Variants in PLEKHH1 observed in about 807,000 individuals in gnomAD.
PLEKHH1 encodes pleckstrin homology domain-containing family H member 1.
A neutral mutation model predicts 160.0 loss-of-function variants in PLEKHH1; 104 were observed. The ratio of observed to expected loss-of-function variants is 0.65; its 90% CI spans 0.55 to 0.76. The LOEUF is 0.76. PLEKHH1 is among the 30% of genes least tolerant of loss of function. PLEKHH1 has a pLI of 0.00. For missense variants in PLEKHH1, 1,427 were observed against 1,724.1 expected, an observed-to-expected ratio of 0.83 and a Z score of 3.05; for synonymous variants, 619 against 678.4, an observed-to-expected ratio of 0.91 and a Z score of 1.36.
At chr14:67,568,575 T>G (rs529112512) in intron 7 of PLEKHH1, among the ~76,000 whole-genome samples, 1 of 152,182 alleles carries the variant, frequency 6.6e-6, no homozygotes, top group East Asian at 1.9e-4. Context: ...CTGCACATCT[T>G]GCATACGTAC....
Position 67,574,888 on chromosome 14 carries a change from C to G in PLEKHH1, c.2088+485C>G, listed in dbSNP as rs978418558. 6.6e-6 allele frequency among the ~76,000 whole-genome samples: 1 copy of G among 152,182 alleles called. No homozygotes were observed. The highest frequency in any genetic ancestry group is 1.5e-5 in the Non-Finnish European group (1 of 68,028). On this transcript the variant is annotated intron_variant, in intron 14 of 28. Coordinates refer to ENST00000329153, the MANE Select transcript of PLEKHH1 (RefSeq NM_020715.3). This position sits in a 1 kb window ranked among gnomAD's most constrained non-coding sequence, Gnocchi z 4.2. ...TAACAAGGAAGTACATTAGCTAGAC[C>G]AGAACACCAGCAGGAACCAAAGCGA...
At position 67,537,254 on chromosome 14, in the gene PLEKHH1, G is replaced by C. The variant is rs1400349462; in HGVS notation, c.-35+3856G>C. Among the ~76,000 whole-genome samples the C allele has an allele frequency of 2.3e-5, 3 of 132,962 alleles. 1 individual carries two copies. The highest frequency in any genetic ancestry group is 5.8e-5 in the African/African-American group (2 of 34,394). The allele number at this position is 132,962 out of a possible 152,430, so 87.2% of individuals were successfully genotyped here. ...AGCTACTCAGGAGGCTGAGGCAGGA[G>C]AATTATTTGAACCCGGGAGGCGGAG... On this transcript the variant is annotated intron_variant, in intron 1 of 28. Coordinates refer to ENST00000329153, the MANE Select transcript of PLEKHH1 (RefSeq NM_020715.3).
intron 2 of PLEKHH1, 132 bp from the exon 3 acceptor site, chr14:67,555,693 C>G (rs3742868): frequency 7.6e-7 from 1 of 1,318,688 alleles, no homozygotes; most frequent in Non-Finnish European, 1.0e-6. Flanking sequence ...CTGACACTCT[C>G]GAGCCACTTG....
intron 5 of PLEKHH1, among the ~76,000 whole-genome samples, chr14:67,560,796 T>C: frequency 7.1e-6 from 1 of 140,396 alleles, no homozygotes; most frequent in Non-Finnish European, 1.5e-5. Flanking sequence ...AATGGCACAA[T>C]ATCGGCTCTC....
rs547392934 is a variant in PLEKHH1, at chr14:67,573,024, C to G, written c.1729-252C>G. On this transcript the variant is annotated intron_variant, in intron 11 of 28. Coordinates refer to ENST00000329153, the MANE Select transcript of PLEKHH1 (RefSeq NM_020715.3). This position sits in a 1 kb window ranked among gnomAD's most constrained non-coding sequence, Gnocchi z 4.8. ...TCTCCCTCTAGCAGCCCCTGCTCTG[C>G]TACCTTCTCATAGTGAGGTCTTCCC... 1.2e-3 allele frequency among the ~76,000 whole-genome samples: 183 copies of G among 152,324 alleles called. No homozygotes were observed. Among genetic ancestry groups the G allele is most frequent in the Non-Finnish European group, 1.9e-3 (130 of 68,024 alleles).
chr14:67,553,980 A>G (rs891355155), intron 2 of PLEKHH1, among the ~76,000 whole-genome samples: 4 of 152,166 alleles, frequency 2.6e-5, no homozygotes, highest in Non-Finnish European at 4.4e-5. Context: ...GGCCCTATCC[A>G]TGGGAGCACC....
At chr14:67,546,476 C>T (rs2140346073) in intron 2 of PLEKHH1, among the ~76,000 whole-genome samples, 1 of 152,220 alleles carries the variant, frequency 6.6e-6, no homozygotes, top group East Asian at 1.9e-4. Flanking sequence ...TTGCAACCTC[C>T]CCATCCTGGG....
chr14:67,552,495 C>T (rs992882648), intron 2 of PLEKHH1, among the ~76,000 whole-genome samples: 12 of 152,258 alleles, frequency 7.9e-5, no homozygotes, highest in African/African-American at 2.2e-4. Context: ...TGGCTGGGTG[C>T]GGTGGCTCAC....
chr14:67,561,786 G>A (rs2140417496), intron 5 of PLEKHH1, among the ~76,000 whole-genome samples, 168 bp from the exon 6 acceptor site: 1 of 150,600 alleles, frequency 6.6e-6, no homozygotes, highest in East Asian at 2.0e-4. Context: ...GGGAGGATCA[G>A]TTGGGCCTGG....
intron 5 of PLEKHH1, among the ~76,000 whole-genome samples, chr14:67,560,505 C>A (rs1158571359): frequency 7.2e-5 from 11 of 152,190 alleles, no homozygotes; most frequent in Admixed American, 7.2e-4. Context: ...AAACTCTGTA[C>A]CTGCTAAACA....
chr14:67,546,192 C>T (rs72721031), intron 2 of PLEKHH1, among the ~76,000 whole-genome samples: 6,343 of 152,076 alleles, frequency 0.042, 201 homozygotes, highest in Non-Finnish European at 0.067. Context: ...GTAGGGTCAA[C>T]GCCGGGGGAA....
At chr14:67,555,949 C>T (rs1012373575) in intron 3 of PLEKHH1, 62 bp downstream of exon 3, 52 of 1,586,934 alleles carry the variant, frequency 3.3e-5, no homozygotes, top group Middle Eastern at 1.9e-4. Flanking sequence ...CTTCCAGGCC[C>T]TTCCCACGGA....
intron 4 of PLEKHH1, 102 bp from the exon 5 acceptor site, chr14:67,559,506 T>C (rs983965786): frequency 8.2e-6 from 6 of 728,118 alleles, no homozygotes; most frequent in Middle Eastern, 2.5e-4. Flanking sequence ...CTTTGCGAGG[T>C]CAGTGGCACG....
At position 67,576,767 on chromosome 14, in the gene PLEKHH1, C is replaced by T. The variant is rs1183556547; in HGVS notation, c.2461+264C>T. 1.3e-5 allele frequency among the ~76,000 whole-genome samples: 2 copies of T among 152,088 alleles called. No homozygotes were observed. Among genetic ancestry groups the T allele is most frequent in the Non-Finnish European group, 2.9e-5 (2 of 68,024 alleles). ...ATGTTTTACTTGGATCAAGCTGCCCCGTTGCTGGCTGGGCAGAGGGCTGAG... is the reference window on the plus strand; with the variant it reads ...ATGTTTTACTTGGATCAAGCTGCCCTGTTGCTGGCTGGGCAGAGGGCTGAG... On this transcript the variant is annotated intron_variant, in intron 17 of 28. Transcript: ENST00000329153. The surrounding 1 kb of genome is among the most constrained non-coding windows in gnomAD (Gnocchi z 4.0).
chr14:67,584,264 T>A, intron 26 of PLEKHH1, 140 bp downstream of exon 26: 1 of 781,040 alleles, frequency 1.3e-6, no homozygotes, highest in Non-Finnish European at 2.0e-6. Context: ...TCTGGCCTAG[T>A]CCAGCTTTCC....
intron 2 of PLEKHH1, among the ~76,000 whole-genome samples, chr14:67,547,402 G>A (rs1380365496): frequency 6.6e-6 from 1 of 152,230 alleles, no homozygotes; most frequent in Non-Finnish European, 1.5e-5. Flanking sequence ...TTCATGAGAT[G>A]CTTTCCCTAG....
chr14:67,583,944 A>G, intron 25 of PLEKHH1, 51 bp from the exon 26 acceptor site: 1 of 1,612,046 alleles, frequency 6.2e-7, no homozygotes. Flanking sequence ...CCTGGAATGA[A>G]GACACGTCGG....
intron 9 of PLEKHH1, chr14:67,571,467 C>T (rs2035370940): frequency 2.8e-6 from 1 of 353,452 alleles, no homozygotes; most frequent in East Asian, 4.3e-5. Context: ...TTCTGGCCCC[C>T]TAGTGGCAAG....
chr14:67,571,350 TAGTC>T (rs1488807527), intron 9 of PLEKHH1: 1 of 181,218 alleles, frequency 5.5e-6, no homozygotes, highest in Non-Finnish European at 1.2e-5. Flanking sequence ...AACACTGAGA[TAGTC>T]AGTCACTTTA....
Sources: allele counts gnomAD v4.1 joint callset (sites outside exome capture counted in the v4.1 genomes callset), GRCh38; gene constraint gnomAD v4.1.1; non-coding constraint Gnocchi (gnomAD v3.1); transcripts MANE v1.5; gene names NCBI Gene and HGNC (gene_info 2026-07-23, HGNC 2026-07-21).